Variants in COPS2 observed in about 807,000 individuals in gnomAD.
The protein encoded by COPS2 is COP9 signalosome subunit 2, also known as COP9 signalosome complex subunit 2.
Under a neutral mutation model 66.1 loss-of-function variants are expected in COPS2, and 10 were observed. The observed-to-expected ratio is 0.15, with a 90% CI of 0.09 to 0.26. The LOEUF is 0.26. Among genes scored for constraint, COPS2 ranks in the 10% least tolerant of loss-of-function variants. The probability of loss-of-function intolerance (pLI) is 1.00; values close to 1 mark genes in which losing one functional copy is unlikely to be tolerated. For synonymous variants in COPS2, 179 were observed against 171.3 expected, an observed-to-expected ratio of 1.04 and a Z score of -0.35; for missense variants, 215 against 513.3, an observed-to-expected ratio of 0.42 and a Z score of 5.62.
intron 6 of COPS2, among the ~76,000 whole-genome samples, chr15:49,136,044 A>T (rs2084248700): frequency 6.6e-6 from 1 of 152,134 alleles, no homozygotes; most frequent in Non-Finnish European, 1.5e-5. Flanking sequence ...GTAGATAAGA[A>T]ATAATTCCTA....
Position 49,125,841 on chromosome 15 carries a change from C to T in COPS2, c.*2109G>A, listed in dbSNP as rs1354499434. 2.0e-5 allele frequency: 3 copies of T among 152,096 alleles called. No individual in the cohort carries two copies. The highest frequency in any genetic ancestry group is 7.2e-5 in the African/African-American group (3 of 41,444). 9.4% of individuals were successfully genotyped at this position (152,096 alleles called of 1,614,324 possible). A position where few individuals can be genotyped will look rare whatever the true frequency, so the allele number is the denominator to read the frequency against. On this transcript the variant is annotated 3_prime_UTR_variant, in exon 13 of 13. Transcript: ENST00000388901. ...CAGTTTTCCAAATAACAAGTGCATG[C>T]TTTCTCTCTAGAAAGTGGAAGATGC...
intron 6 of COPS2, 65 bp from the exon 7 acceptor site, chr15:49,134,579 G>C: frequency 3.9e-6 from 5 of 1,274,820 alleles, no homozygotes; most frequent in Non-Finnish European, 5.4e-6. Flanking sequence ...ATTTGCATTA[G>C]CCTGGAAATC....
Position 49,129,561 on chromosome 15 carries a change from T to C in COPS2, c.1046-2A>G. 6.8e-7 allele frequency: 1 copy of C among 1,467,754 alleles called. No individual in the cohort carries two copies. The highest frequency in any genetic ancestry group is 9.1e-7 in the Non-Finnish European group (1 of 1,097,344). 90.9% of individuals were successfully genotyped at this position (1,467,754 alleles called of 1,614,324 possible). On this transcript the variant is annotated splice_acceptor_variant, in intron 10 of 12. Coordinates refer to ENST00000388901, the MANE Select transcript of COPS2 (RefSeq NM_004236.4). LOFTEE classifies it high-confidence loss of function. ...GTGTTCTGATGTTTCGCAAAAGCTC[T>C]GAAAGACAAAAAATTAAAATAACAT...
chr15:49,136,731 G>T (rs2084254773), intron 6 of COPS2, among the ~76,000 whole-genome samples: 1 of 152,208 alleles, frequency 6.6e-6, no homozygotes, highest in East Asian at 1.9e-4. Flanking sequence ...GCTCACACCT[G>T]TAATCCCAGC....
At chr15:49,141,325 C>T (rs918607449) in intron 3 of COPS2, among the ~76,000 whole-genome samples, 6 of 151,926 alleles carry the variant, frequency 3.9e-5, no homozygotes, top group African/African-American at 1.2e-4. Context: ...GGTGAAACCC[C>T]GTCTTTACAA....
At chr15:49,138,821 T>C (rs2084270790) in intron 4 of COPS2, among the ~76,000 whole-genome samples, 1 of 152,160 alleles carries the variant, frequency 6.6e-6, no homozygotes, top group Admixed American at 6.5e-5. Context: ...CTAAATGACA[T>C]AGAGACTATA....
At chr15:49,148,584 CAACAG>C (rs2141133183) in intron 1 of COPS2, among the ~76,000 whole-genome samples, 1 of 152,206 alleles carries the variant, frequency 6.6e-6, no homozygotes, top group African/African-American at 2.4e-5. Flanking sequence ...AGGAACAGGA[CAACAG>C]AAGTCTTACA....
rs2084175886 is a variant in COPS2, at chr15:49,127,413, T to C, written c.*537A>G. The C allele has an allele frequency of 6.5e-6, 1 of 152,686 alleles. No homozygotes were observed. The highest frequency in any genetic ancestry group is 6.5e-5 in the Admixed American group (1 of 15,280). 9.5% of individuals were successfully genotyped at this position (152,686 alleles called of 1,614,324 possible). ...AAGTGACAGTATGCCACTATAATTA[T>C]GGGGTTTCGTCTAAACCTTTACTAC... is the stretch of plus-strand genomic sequence containing the variant. On this transcript the variant is annotated 3_prime_UTR_variant, in exon 13 of 13. Transcript: ENST00000388901.
At chr15:49,130,620 CAGAA>C (rs2084200684) in intron 10 of COPS2, 95 bp downstream of exon 10, 8 of 646,330 alleles carry the variant, frequency 1.2e-5, no homozygotes, top group South Asian at 4.7e-5. Context: ...TTGCAATAGA[CAGAA>C]AGAAAACAGC....
Position 49,127,160 on chromosome 15 carries a change from G to A in COPS2, c.*790C>T, listed in dbSNP as rs1282257381. On this transcript the variant is annotated 3_prime_UTR_variant, in exon 13 of 13. Transcript: ENST00000388901. ...ACTGTCATAACTATGCACGTGTTTTGTTAGAAAGTAGTTCTCCTTACTCTA... is the reference window on the plus strand; with the variant it reads ...ACTGTCATAACTATGCACGTGTTTTATTAGAAAGTAGTTCTCCTTACTCTA... The A allele has an allele frequency of 6.6e-6, 1 of 152,054 alleles. No individual in the cohort carries two copies. The highest frequency in any genetic ancestry group is 1.5e-5 in the Non-Finnish European group (1 of 67,996). 9.4% of individuals were successfully genotyped at this position (152,054 alleles called of 1,614,324 possible).
rs2084201968 is a variant in COPS2 at position 49,130,741 on chromosome 15, A to G, written c.1023T>C (p.Pro341=). 7 of 1,600,700 alleles carry G rather than the reference A, an allele frequency of 4.4e-6. No homozygotes were observed. In the South Asian group the frequency reaches 7.7e-5, roughly 18 times the overall value. The change falls in exon 10 of 13, where the codon CCT becomes CCC. Residue 341 remains proline, a synonymous_variant. Coordinates refer to ENST00000388901, the MANE Select transcript of COPS2 (RefSeq NM_004236.4). ...TACCTTCAATGTGTTCTCTTATGAAAGGATCATCCATGATGTTGCTGTGAT... is the reference window on the plus strand; with the variant it reads ...TACCTTCAATGTGTTCTCTTATGAAGGGATCATCCATGATGTTGCTGTGAT... The part of the protein sequence containing the change: ...KTNHSNIMDD[P]FIREHIEELL...
At chr15:49,134,735 A>G (rs150398768) in intron 6 of COPS2, among the ~76,000 whole-genome samples, 1 of 152,194 alleles carries the variant, frequency 6.6e-6, no homozygotes, top group Non-Finnish European at 1.5e-5. Context: ...AAAAGTAGCC[A>G]AAGGTTTTTT....
intron 6 of COPS2, 99 bp from the exon 7 acceptor site, chr15:49,134,613 T>C: frequency 1.0e-6 from 1 of 980,078 alleles, no homozygotes; most frequent in East Asian, 2.6e-5. Flanking sequence ...ACTATTTCCA[T>C]GTGAAAACAC....
chr15:49,139,371 T>C, intron 4 of COPS2, 157 bp downstream of exon 4: 1 of 592,764 alleles, frequency 1.7e-6, no homozygotes, highest in Admixed American at 3.3e-5. Context: ...ATCAGTAATA[T>C]AACCAGGAAA....
rs2084236380 is a variant in COPS2, at chr15:49,134,457, A to G, written c.598T>C (p.Leu200=). The part of the protein sequence containing the change: ...KGTQLLEIYA[L]EIQMYTAQKN... The stretch of plus-strand genomic sequence containing the variant: ...TGTGCTGTGTACATTTGAATTTCCA[A>G]AGCATATATTTCTAATAACTGTGTA... The change falls in exon 7 of 13, where the codon TTG becomes CTG. Residue 200 remains leucine (L), a synonymous_variant. Transcript: ENST00000388901. 1 of 1,612,382 alleles carries G rather than the reference A, an allele frequency of 6.2e-7. No homozygotes were observed. Among genetic ancestry groups the G allele is most frequent in the Non-Finnish European group, 8.5e-7 (1 of 1,179,580 alleles).
At chr15:49,128,836 A>T (rs1301866998) in intron 11 of COPS2, 76 bp from the exon 12 acceptor site, 1 of 972,150 alleles carries the variant, frequency 1.0e-6, no homozygotes, top group African/African-American at 1.7e-5. Flanking sequence ...TCTAATTTTA[A>T]TTCATTTCTA....
At chr15:49,142,116 G>C (rs1402590750) in intron 3 of COPS2, among the ~76,000 whole-genome samples, 1 of 152,086 alleles carries the variant, frequency 6.6e-6, no homozygotes, top group African/African-American at 2.4e-5. Context: ...TAATATTCTT[G>C]CAAACAGAAA....
At chr15:49,154,105 C>T (rs1417998685) in intron 1 of COPS2, among the ~76,000 whole-genome samples, 1 of 151,992 alleles carries the variant, frequency 6.6e-6, no homozygotes, top group Non-Finnish European at 1.5e-5. Context: ...GACTTGATCA[C>T]TACATATCCT....
chr15:49,155,461 C>T (rs2084420471), intron 1 of COPS2, 64 bp downstream of exon 1: 10 of 1,543,444 alleles, frequency 6.5e-6, no homozygotes, highest in South Asian at 1.1e-5. Flanking sequence ...CCGCGGGCGC[C>T]CCGGCCCGGA....
Sources: allele counts gnomAD v4.1 joint callset (sites outside exome capture counted in the v4.1 genomes callset), GRCh38; gene constraint gnomAD v4.1.1; transcripts MANE v1.5; gene names NCBI Gene and HGNC (gene_info 2026-07-23, HGNC 2026-07-21).